The following GOLM1 variants were observed in gnomAD, a reference collection of about 807,000 sequenced individuals.
GOLM1 encodes golgi membrane protein 1.
GOLM1 carries 31 observed loss-of-function variants against 50.5 expected under a neutral mutation model. The observed-to-expected ratio is 0.61, with a 90% CI of 0.46 to 0.83. The LOEUF is 0.83. Ranked by LOEUF, GOLM1 falls within the 40% of genes least tolerant of loss-of-function variation. GOLM1 has a pLI of 0.00. For missense variants in GOLM1, 491 were observed against 501.3 expected (o/e 0.98, Z 0.20); for synonymous variants, 178 against 192.8 (o/e 0.92, Z 0.64).
chr9:86,042,041 C>T (rs948770041), intron 5 of GOLM1, among the ~76,000 whole-genome samples: 3 of 152,192 alleles, frequency 2.0e-5, no homozygotes, highest in Non-Finnish European at 2.9e-5. Context: ...GGCGTGAACC[C>T]GGGAGGCGGA....
chr9:86,055,383 G>A (rs567522156), intron 3 of GOLM1, among the ~76,000 whole-genome samples: 3 of 152,194 alleles, frequency 2.0e-5, no homozygotes, highest in East Asian at 1.9e-4. Context: ...GAAACAGCTC[G>A]CTCTGCGTGA....
intron 3 of GOLM1, among the ~76,000 whole-genome samples, chr9:86,055,991 C>CA (rs34928848): frequency 0.62 from 93,859 of 151,142 alleles, 29,759 homozygotes; most frequent in African/African-American, 0.76. Context: ...AAAAACAAAC[C>CA]AAAAACACTT....
intron 1 of GOLM1, among the ~76,000 whole-genome samples, chr9:86,090,923 C>T (rs964014088): frequency 5.9e-5 from 9 of 151,720 alleles, no homozygotes; most frequent in Admixed American, 1.3e-4. Flanking sequence ...CTGTGGGTTG[C>T]GAAGAGCATG....
In GOLM1 at chr9:86,035,877, AC is replaced by A. The variant is rs1196546254; in HGVS notation, c.758-253del. Among the ~76,000 whole-genome samples the A allele has an allele frequency of 9.7e-3, 1,208 of 125,146 alleles. 144 individuals carry two copies. The highest frequency in any genetic ancestry group is 0.033 in the African/African-American group (999 of 30,030). 82.1% of individuals were successfully genotyped at this position (125,146 alleles called of 152,430 possible). The stretch of plus-strand genomic sequence containing the variant: ...GAAAAGTAGCTTACCAAAAAAAAAA[AC>A]AAAACAAAAAAAAAAAAACACCTGG... On this transcript the variant is annotated intron_variant, in intron 7 of 9. Transcript: ENST00000388712.
intron 1 of GOLM1, among the ~76,000 whole-genome samples, chr9:86,085,861 T>G (rs748901766): frequency 6.6e-6 from 1 of 152,248 alleles, no homozygotes; most frequent in Non-Finnish European, 1.5e-5. Context: ...CATATTTTCT[T>G]TATCTAGTCT....
Position 86,026,706 on chromosome 9 carries a change from C to A in GOLM1, c.*1111G>T. The A allele has an allele frequency of 2.0e-6, 2 of 982,608 alleles. No individual in the cohort carries two copies. The highest frequency in any genetic ancestry group is 2.4e-6 in the Non-Finnish European group (2 of 827,424). 60.9% of individuals were successfully genotyped at this position (982,608 alleles called of 1,614,324 possible). ...TACCATAAATAATACTAAGAACCAA[C>A]TCAAGTCAAACCTTAATGCCATTGT... On this transcript the variant is annotated 3_prime_UTR_variant, in exon 10 of 10. Transcript: ENST00000388712.
In GOLM1 at chr9:86,026,515, C is replaced by A; in HGVS notation, c.*1302G>T. 2.3e-6 allele frequency: 2 copies of A among 886,992 alleles called. No homozygotes were observed. The highest frequency in any genetic ancestry group is 2.7e-6 in the Non-Finnish European group (2 of 740,128). The allele number at this position is 886,992 out of a possible 1,614,324, so 54.9% of individuals were successfully genotyped here. On this transcript the variant is annotated 3_prime_UTR_variant, in exon 10 of 10. Transcript: ENST00000388712. ...GCACCAGCTAGATGCTCTGTAACTT[C>A]TAGGCCCCATTTTCCCCTCTGAAAA...
rs201924361 is a variant in GOLM1, at chr9:86,029,140, A to ATG, written c.1130-1248_1130-1247insCA. On this transcript the variant is annotated intron_variant, in intron 9 of 9. Coordinates refer to ENST00000388712, the MANE Select transcript of GOLM1 (RefSeq NM_016548.4). Reference sequence around the variant, plus strand: ...CCAAAGTGCTGGGATTACAAGCGTGAGCAACCACGCCCAGCTGGAACTCCT... The same window carrying ATG: ...CCAAAGTGCTGGGATTACAAGCGTGATGGCAACCACGCCCAGCTGGAACTCCT... Among the ~76,000 whole-genome samples the ATG allele has an allele frequency of 0.02, 3,096 of 152,118 alleles. 368 individuals carry two copies. The East Asian group carries it at 0.36, about 18-fold the overall frequency.
At chr9:86,062,228 C>T (rs1191589846) in intron 3 of GOLM1, among the ~76,000 whole-genome samples, 1 of 152,156 alleles carries the variant, frequency 6.6e-6, no homozygotes, top group Non-Finnish European at 1.5e-5. Context: ...GCCCTGGGGT[C>T]ACCCGGGTGC....
In GOLM1 at chr9:86,040,523, C is replaced by T. The variant is rs574546012; in HGVS notation, c.597+216G>A. Among the ~76,000 whole-genome samples, 4 of 152,256 alleles carry T rather than the reference C, an allele frequency of 2.6e-5. No homozygotes were observed. The East Asian group carries it at 7.7e-4, about 29-fold the overall frequency. On this transcript the variant is annotated intron_variant, in intron 6 of 9. Transcript: ENST00000388712. ...CTGCGAGCTTTAAATACGATAATTC[C>T]CGTAAAGCCCTGAGCTTGTGAAGCG...
At chr9:86,052,864 G>T (rs1033161776) in intron 3 of GOLM1, among the ~76,000 whole-genome samples, 3 of 133,626 alleles carry the variant, frequency 2.2e-5, no homozygotes, top group Non-Finnish European at 3.2e-5. Flanking sequence ...GCTCCTCCAG[G>T]AAAGGGCCAG....
chr9:86,040,862 C>G lies in GOLM1; in HGVS notation c.474G>C (p.Gln158His), dbSNP rs1833321729. ...LERKFSYDLS[Q>H]CINQMKEVKE... is the part of the protein sequence containing the mutation. Reference sequence around the variant, plus strand: ...TCACCTCCTTCATCTGATTGATGCACTGGCTCCTTTGGTGAAAGAAAGCAA... The same window carrying G: ...TCACCTCCTTCATCTGATTGATGCAGTGGCTCCTTTGGTGAAAGAAAGCAA... The change falls in exon 6 of 10, where the codon CAG (glutamine) becomes CAC (histidine). Residue 158 changes from glutamine (Q) to histidine (H), a missense_variant. By Grantham distance (24) the Gln-to-His change is conservative. Transcript: ENST00000388712. 1.2e-6 allele frequency: 2 copies of G among 1,613,656 alleles called. No homozygotes were observed. The highest frequency in any genetic ancestry group is 1.7e-6 in the Non-Finnish European group (2 of 1,179,840).
chr9:86,038,230 C>G (rs1176607243), intron 6 of GOLM1, among the ~76,000 whole-genome samples: 2 of 151,804 alleles, frequency 1.3e-5, no homozygotes, highest in East Asian at 3.9e-4. Context: ...TGAGTTTTAC[C>G]CCTAGGAGCT....
At chr9:86,041,663 A>G (rs975592773) in intron 5 of GOLM1, among the ~76,000 whole-genome samples, 1 of 152,194 alleles carries the variant, frequency 6.6e-6, no homozygotes, top group African/African-American at 2.4e-5. Flanking sequence ...CAAATTATCA[A>G]ACTGAGGGGG....
intron 1 of GOLM1, among the ~76,000 whole-genome samples, chr9:86,083,080 T>A (rs1834834973): frequency 1.3e-5 from 2 of 152,180 alleles, no homozygotes; most frequent in Admixed American, 6.5e-5. Flanking sequence ...CCAGGCTTAT[T>A]TCCAACAATG....
At chr9:86,028,586 C>G (rs957198088) in intron 9 of GOLM1, among the ~76,000 whole-genome samples, 1 of 152,198 alleles carries the variant, frequency 6.6e-6, no homozygotes, top group Non-Finnish European at 1.5e-5. Flanking sequence ...TCTGTCCTTG[C>G]GATAAGGCAG....
Position 86,027,235 on chromosome 9 carries a change from T to C in GOLM1, c.*582A>G. On this transcript the variant is annotated 3_prime_UTR_variant, in exon 10 of 10. Transcript: ENST00000388712. ...TAAAAAATTCTCACACAGAACAGCT[T>C]TGTATTTAGACTTAAAGCTGTTGCT... 1 of 985,480 alleles carries C rather than the reference T, an allele frequency of 1.0e-6. No individual in the cohort carries two copies. The allele number at this position is 985,480 out of a possible 1,614,324, so 61.0% of individuals were successfully genotyped here.
At chr9:86,028,318 G>A (rs924088893) in intron 9 of GOLM1, among the ~76,000 whole-genome samples, 1 of 152,186 alleles carries the variant, frequency 6.6e-6, no homozygotes, top group Non-Finnish European at 1.5e-5. Context: ...AGAACACATC[G>A]AAAGACGCTG....
intron 3 of GOLM1, among the ~76,000 whole-genome samples, chr9:86,074,463 G>A (rs1834549153): frequency 6.6e-6 from 1 of 152,134 alleles, no homozygotes; most frequent in African/African-American, 2.4e-5. Context: ...CTTCAGCACT[G>A]ACCAACTCAA....
Sources: gnomAD v4.1 joint callset for allele counts (sites outside exome capture counted in the v4.1 genomes callset) on GRCh38, gnomAD v4.1.1 for gene constraint, MANE v1.5 for transcripts, NCBI Gene and HGNC (gene_info 2026-07-23, HGNC 2026-07-21) for gene names.